The following NBAS variants were observed in gnomAD, a reference collection of about 807,000 sequenced individuals.
The protein encoded by NBAS is NBAS subunit of NRZ tethering complex.
In NBAS, 219 loss-of-function variants were observed where a neutral mutation model predicts 302.5. That is an observed-to-expected ratio of 0.72 (90% CI 0.65 to 0.81). NBAS has a LOEUF of 0.81. Among genes scored for constraint, NBAS ranks in the 30% least tolerant of loss-of-function variants. The pLI is 0.00. For missense variants in NBAS, 2,932 were observed against 2,841.6 expected (o/e 1.03, Z -0.72); for synonymous variants, 1,118 against 1,021.6 (o/e 1.09, Z -1.80).
the NBAS span, among the ~76,000 whole-genome samples, chr2:14,913,723 T>C: frequency 6.6e-6 from 1 of 152,160 alleles, no homozygotes; most frequent in South Asian, 2.1e-4. Flanking sequence ...GAAGTTACAG[T>C]AATGATCCCA....
chr2:15,100,056 A>G, the NBAS span, among the ~76,000 whole-genome samples: 7 of 152,182 alleles, frequency 4.6e-5, no homozygotes, highest in Admixed American at 2.6e-4. Flanking sequence ...TTTCATTCCA[A>G]TGCCTCAGAT....
the NBAS span, among the ~76,000 whole-genome samples, chr2:15,017,589 G>A: frequency 6.6e-6 from 1 of 151,828 alleles, no homozygotes; most frequent in Non-Finnish European, 1.5e-5. Flanking sequence ...AATTATCAGG[G>A]AAATGCAAAT....
the NBAS span, among the ~76,000 whole-genome samples, chr2:14,820,770 A>C: frequency 6.6e-6 from 1 of 152,168 alleles, no homozygotes; most frequent in East Asian, 1.9e-4. Context: ...AGAGTGAATA[A>C]GCAGTTCTTT....
At chr2:15,021,814 T>C in the NBAS span, among the ~76,000 whole-genome samples, 1 of 152,126 alleles carries the variant, frequency 6.6e-6, no homozygotes, top group Non-Finnish European at 1.5e-5. Flanking sequence ...GAGATTATCA[T>C]AAAGCTCTCT....
chr2:14,891,493 A>G, the NBAS span, among the ~76,000 whole-genome samples: 3 of 152,304 alleles, frequency 2.0e-5, no homozygotes, highest in Admixed American at 2.0e-4. Flanking sequence ...ATAGGAAGGG[A>G]TCACTTACTT....
intron 31 of NBAS, among the ~76,000 whole-genome samples, chr2:15,369,951 A>C (rs1214943120): frequency 6.6e-6 from 1 of 152,216 alleles, no homozygotes; most frequent in African/African-American, 2.4e-5. Flanking sequence ...ATGGCAACAG[A>C]GGCCCACAAC....
At chr2:14,890,994 T>C in the NBAS span, among the ~76,000 whole-genome samples, 1 of 152,170 alleles carries the variant, frequency 6.6e-6, no homozygotes, top group Non-Finnish European at 1.5e-5. Flanking sequence ...AGGATTAGAG[T>C]TACTAATTTC....
chr2:14,848,981 C>A, the NBAS span, among the ~76,000 whole-genome samples: 6 of 149,338 alleles, frequency 4.0e-5, no homozygotes, highest in Non-Finnish European at 8.9e-5. Context: ...GGGGAAAAAA[C>A]AGAACAGAAA....
chr2:15,049,540 G>A, the NBAS span, among the ~76,000 whole-genome samples: 2 of 152,236 alleles, frequency 1.3e-5, no homozygotes, highest in Admixed American at 6.5e-5. Flanking sequence ...AGGCTCCTGA[G>A]GGGCTGTTAA....
At chr2:15,361,354 A>G (rs970231009) in intron 32 of NBAS, among the ~76,000 whole-genome samples, 1 of 152,054 alleles carries the variant, frequency 6.6e-6, no homozygotes, top group Non-Finnish European at 1.5e-5. Flanking sequence ...CTCTACTAAA[A>G]ATACAAAAAT....
At chr2:14,780,984 GAC>G in the NBAS span, among the ~76,000 whole-genome samples, 1 of 152,182 alleles carries the variant, frequency 6.6e-6, no homozygotes. Context: ...GAACTAGAGA[GAC>G]AATTCTATTT....
At chr2:14,928,739 T>C in the NBAS span, among the ~76,000 whole-genome samples, 1 of 152,072 alleles carries the variant, frequency 6.6e-6, no homozygotes, top group Non-Finnish European at 1.5e-5. Context: ...AGGAATCCTA[T>C]TGGAATTGGA....
intron 8 of NBAS, among the ~76,000 whole-genome samples, chr2:15,535,218 C>T (rs1663427524): frequency 6.6e-6 from 1 of 152,122 alleles, no homozygotes; most frequent in African/African-American, 2.4e-5. Flanking sequence ...TGTTTAAGCC[C>T]TTGATATAAA....
At chr2:15,088,231 C>T in the NBAS span, among the ~76,000 whole-genome samples, 4 of 151,956 alleles carry the variant, frequency 2.6e-5, no homozygotes, top group Non-Finnish European at 5.9e-5. Context: ...TGTTTGGAGC[C>T]AAAAGAGAAA....
At chr2:15,114,768 C>G in the NBAS span, among the ~76,000 whole-genome samples, 1 of 152,256 alleles carries the variant, frequency 6.6e-6, no homozygotes, top group Non-Finnish European at 1.5e-5. Flanking sequence ...CAAGGGCAAT[C>G]CTCTTCTAGT....
intron 28 of NBAS, among the ~76,000 whole-genome samples, chr2:15,389,821 C>G (rs1334739912): frequency 6.6e-6 from 1 of 152,162 alleles, no homozygotes; most frequent in African/African-American, 2.4e-5. Context: ...TGCAGTGGCA[C>G]GATCATGGCT....
At chr2:15,475,227 A>T (rs1680138745) in intron 14 of NBAS, among the ~76,000 whole-genome samples, 1 of 152,216 alleles carries the variant, frequency 6.6e-6, no homozygotes, top group Non-Finnish European at 1.5e-5. Context: ...GTTACCCTTG[A>T]AAGGCTTAAA....
chr2:15,216,157 C>A (rs1666644909), intron 48 of NBAS, among the ~76,000 whole-genome samples: 1 of 152,188 alleles, frequency 6.6e-6, no homozygotes, highest in South Asian at 2.1e-4. Flanking sequence ...CACTGATTTA[C>A]TTCTTGGAGA....
the NBAS span, among the ~76,000 whole-genome samples, chr2:14,976,345 G>A: frequency 2.0e-5 from 3 of 152,214 alleles, no homozygotes; most frequent in Non-Finnish European, 4.4e-5. Context: ...CAGGGAAAGA[G>A]CTCCACAAAT....
Sources: allele counts gnomAD v4.1 joint callset (sites outside exome capture counted in the v4.1 genomes callset), GRCh38; gene constraint gnomAD v4.1.1; transcripts MANE v1.5; gene names NCBI Gene and HGNC (gene_info 2026-07-23, HGNC 2026-07-21).